DAB1: variants seen among roughly 807,000 people sequenced by gnomAD.
The protein encoded by DAB1 is DAB adaptor protein 1.
In DAB1, 15 loss-of-function variants were observed where a neutral mutation model predicts 64.6. The ratio of observed to expected loss-of-function variants is 0.23; its 90% CI spans 0.16 to 0.36. The LOEUF (loss-of-function observed/expected upper bound fraction) is 0.36, where lower values mean the gene tolerates loss of function less well. Among genes scored for constraint, DAB1 ranks in the 10% least tolerant of loss-of-function variants. DAB1 has a pLI of 1.00. For synonymous variants in DAB1, 235 were observed against 251.9 expected (o/e 0.93, Z 0.64); for missense variants, 596 against 706.7 (o/e 0.84, Z 1.78).
At chr1:57,427,669 A>T (rs2101108726), upstream of DAB1, among the ~76,000 whole-genome samples, 1 of 152,370 alleles carries the variant, frequency 6.6e-6, no homozygotes, top group East Asian at 1.9e-4. Context: ...TTTATGCTGT[A>T]AACTATGGGC....
rs1644646489 is a variant in DAB1, at chr1:58,409,430, A to G, written n.258-66027T>C. 2.0e-5 allele frequency among the ~76,000 whole-genome samples: 3 copies of G among 152,174 alleles called. No individual in the cohort carries two copies. The South Asian group carries it at 6.2e-4, about 32-fold the overall frequency. Reference sequence around the variant, plus strand: ...TCCCCCAGGACGTTATGCAGAGGCCATTTTCAGCTTTAGGTAAGGAAACAC... The same window carrying G: ...TCCCCCAGGACGTTATGCAGAGGCCGTTTTCAGCTTTAGGTAAGGAAACAC... On this transcript the variant is annotated intron_variant and non_coding_transcript_variant, in intron 3 of 20. Coordinates refer to the DAB1 transcript ENST00000485760.
intron 5 of DAB1, among the ~76,000 whole-genome samples, chr1:58,118,503 T>TATATATATATATATATATAC (rs1341446315): frequency 3.8e-5 from 2 of 53,110 alleles, no homozygotes; most frequent in Non-Finnish European, 5.9e-5. Flanking sequence ...TATATATATA[T>TATATATATATATATATATAC]ACACACACAC....
intron 1 of DAB1, among the ~76,000 whole-genome samples, chr1:57,857,356 G>C (rs1211403259): frequency 6.6e-6 from 1 of 152,178 alleles, no homozygotes; most frequent in Admixed American, 6.5e-5. Flanking sequence ...CTGGCATCTG[G>C]AGAAGATTCT....
chr1:58,088,273 TTA>T (rs1448604352), intron 5 of DAB1, among the ~76,000 whole-genome samples: 2 of 152,200 alleles, frequency 1.3e-5, no homozygotes, highest in East Asian at 3.8e-4. Context: ...CTTAAGACTT[TTA>T]TAGAGTATAT....
chr1:57,082,464 C>T (rs144484904), intron 4 of DAB1, among the ~76,000 whole-genome samples: 4 of 152,284 alleles, frequency 2.6e-5, no homozygotes, highest in South Asian at 4.2e-4. Flanking sequence ...TGTATTCCCA[C>T]GGCCTGCATC....
At chr1:57,581,648 C>T (rs560091829) in intron 7 of DAB1, among the ~76,000 whole-genome samples, 1 of 150,132 alleles carries the variant, frequency 6.7e-6, no homozygotes, top group South Asian at 2.1e-4. Context: ...TTATACACAA[C>T]TATAATAATA....
intron 1 of DAB1, among the ~76,000 whole-genome samples, chr1:57,413,743 CAAAA>C (rs58388088): frequency 6.2e-5 from 4 of 64,508 alleles, no homozygotes; most frequent in Non-Finnish European, 3.2e-5. Flanking sequence ...GACTCTGTCT[CAAAA>C]AAAAAAAAAA....
intron 4 of DAB1, among the ~76,000 whole-genome samples, chr1:58,198,955 A>C (rs1224059662): frequency 6.6e-6 from 1 of 152,134 alleles, no homozygotes; most frequent in African/African-American, 2.4e-5. Flanking sequence ...AAAATACAAA[A>C]AATTAGCTGG....
intron 1 of DAB1, among the ~76,000 whole-genome samples, chr1:57,413,136 C>G (rs524941): frequency 0.17 from 25,689 of 152,052 alleles, 3,140 homozygotes; most frequent in African/African-American, 0.34. Context: ...TCTGTTTACA[C>G]CATGGTTTAC....
intron 1 of DAB1, among the ~76,000 whole-genome samples, chr1:57,327,341 G>C (rs1262793658): frequency 6.6e-6 from 1 of 152,178 alleles, no homozygotes; most frequent in Non-Finnish European, 1.5e-5. Context: ...GGCTGTCAGA[G>C]AAGAGAGAGA....
chr1:57,639,296 T>C (rs987763195), intron 7 of DAB1, among the ~76,000 whole-genome samples: 1 of 149,998 alleles, frequency 6.7e-6, no homozygotes, highest in African/African-American at 2.5e-5. Flanking sequence ...TAAAGAACTT[T>C]AGTAAATAAC....
intron 2 of DAB1, among the ~76,000 whole-genome samples, chr1:57,148,457 T>A (rs1659357464): frequency 6.6e-6 from 1 of 152,246 alleles, no homozygotes; most frequent in African/African-American, 2.4e-5. Flanking sequence ...AGGTCTCAGT[T>A]ATATTAGTTA....
In DAB1 at chr1:58,331,048, T is replaced by C. The variant is rs371874426; in HGVS notation, n.309+12304A>G. On this transcript the variant is annotated intron_variant and non_coding_transcript_variant, in intron 4 of 20. Coordinates refer to the DAB1 transcript ENST00000485760. ...TCTGATGGATCTGGGCAAAGTAAAC[T>C]GTAAATCTTCTGGAAAGGATTCCCT... Among the ~76,000 whole-genome samples the C allele has an allele frequency of 9.2e-5, 14 of 152,338 alleles. No individual in the cohort carries two copies. The East Asian group carries it at 2.5e-3, about 27-fold the overall frequency.
chr1:57,917,217 C>T (rs1644739901), intron 5 of DAB1, among the ~76,000 whole-genome samples: 1 of 152,198 alleles, frequency 6.6e-6, no homozygotes, highest in Admixed American at 6.5e-5. Context: ...TCTAGGTCCA[C>T]TGCCAGATAT....
intron 11 of DAB1, among the ~76,000 whole-genome samples, chr1:57,020,619 T>C (rs1313478462): frequency 6.6e-6 from 1 of 152,124 alleles, no homozygotes; most frequent in Non-Finnish European, 1.5e-5. Flanking sequence ...GGAAAAAATA[T>C]AGGTAGAACA....
chr1:58,364,983 T>C (rs1232306059), intron 3 of DAB1, among the ~76,000 whole-genome samples: 2 of 152,234 alleles, frequency 1.3e-5, no homozygotes, highest in Non-Finnish European at 2.9e-5. Context: ...CCATGAGATA[T>C]GCACTTACCA....
At chr1:57,281,247 T>G (rs1671862904) in intron 2 of DAB1, among the ~76,000 whole-genome samples, 1 of 152,058 alleles carries the variant, frequency 6.6e-6, no homozygotes. Flanking sequence ...ATGGAGAAAA[T>G]GCAAAGTGGT....
chr1:57,795,691 A>ATATG (rs1650816160), intron 6 of DAB1, among the ~76,000 whole-genome samples: 1 of 3,374 alleles, frequency 3.0e-4, no homozygotes, highest in African/African-American at 1.2e-3. Flanking sequence ...ATGCTTGGAG[A>ATATG]TATATATATA....
intron 1 of DAB1, among the ~76,000 whole-genome samples, chr1:57,832,073 T>C (rs759325971): frequency 2.6e-5 from 4 of 152,222 alleles, no homozygotes; most frequent in Non-Finnish European, 5.9e-5. Context: ...CTTGCATATG[T>C]ACACGTACAA....
Sources: allele counts gnomAD v4.1 joint callset (sites outside exome capture counted in the v4.1 genomes callset), GRCh38; gene constraint gnomAD v4.1.1; transcripts MANE v1.5; gene names NCBI Gene and HGNC (gene_info 2026-07-23, HGNC 2026-07-21).